Variants in BRSK2 observed in about 807,000 individuals in gnomAD.
BRSK2 encodes serine/threonine-protein kinase BRSK2.
Under a neutral mutation model 83.3 loss-of-function variants are expected in BRSK2, and 19 were observed. The ratio of observed to expected loss-of-function variants is 0.23; its 90% CI spans 0.16 to 0.33. The LOEUF (loss-of-function observed/expected upper bound fraction) is 0.33, where lower values mean the gene tolerates loss of function less well. BRSK2 is among the 10% of genes least tolerant of loss of function. The pLI is 1.00. For synonymous variants in BRSK2, 519 were observed against 435.4 expected (o/e 1.19, Z -2.39); for missense variants, 798 against 1,042.3 (o/e 0.77, Z 3.23).
chr11:1,419,416 T>G (rs1848431957), intron 1 of BRSK2, among the ~76,000 whole-genome samples: 1 of 152,150 alleles, frequency 6.6e-6, no homozygotes, highest in Admixed American at 6.5e-5. Context: ...TCTCTCTATG[T>G]CTTTCTGTTA....
chr11:1,406,071 C>T (rs989157223), intron 1 of BRSK2, among the ~76,000 whole-genome samples: 1 of 152,190 alleles, frequency 6.6e-6, no homozygotes, highest in Non-Finnish European at 1.5e-5. Context: ...GCCCGCTCCC[C>T]TGCCGAGGTC....
At chr11:1,445,136 T>C (rs1851843862) in intron 9 of BRSK2, 134 bp downstream of exon 9, 1 of 1,482,556 alleles carries the variant, frequency 6.7e-7, no homozygotes, top group Non-Finnish European at 9.3e-7. Context: ...TGGCCTGCGC[T>C]GGGTGCGGGG....
At position 1,423,076 on chromosome 11, in the gene BRSK2, T is replaced by C. The variant is rs925172269; in HGVS notation, c.92-12964T>C. Among the ~76,000 whole-genome samples the C allele has an allele frequency of 6.6e-6, 1 of 151,638 alleles. No homozygotes were observed. The highest frequency in any genetic ancestry group is 2.4e-5 in the African/African-American group (1 of 41,220). On this transcript the variant is annotated intron_variant, in intron 1 of 19. Coordinates refer to ENST00000528841, the MANE Select transcript of BRSK2 (RefSeq NM_001256627.2). This position sits in a 1 kb window ranked among gnomAD's most constrained non-coding sequence, Gnocchi z 6.5. ...CTCAGCCAGACAGCAGCCCGGAGGG[T>C]TAATGTCCAGGTACCTCCAGGCCCC...
rs1348091368 is a variant in BRSK2 at position 1,440,977 on chromosome 11, C to T, written c.413+49C>T. 44 of 1,557,600 alleles carry T rather than the reference C, an allele frequency of 2.8e-5. 1 individual carries two copies. The highest frequency in any genetic ancestry group is 3.8e-5 in the Non-Finnish European group (44 of 1,147,750). ...CCCACTCCCCAGGGACCCCCACACC[C>T]AGTGCGCTACCACAGATGCCCCCTG... On this transcript the variant is annotated intron_variant, in intron 4 of 19. Coordinates refer to ENST00000528841, the MANE Select transcript of BRSK2 (RefSeq NM_001256627.2).
chr11:1,410,915 TC>T, intron 1 of BRSK2: 1 of 988,006 alleles, frequency 1.0e-6, no homozygotes, highest in Non-Finnish European at 1.2e-6. Flanking sequence ...AGGTGGGTGT[TC>T]CCCAGTCTCA....
chr11:1,395,324 G>A (rs2134017124), intron 1 of BRSK2, among the ~76,000 whole-genome samples: 2 of 152,322 alleles, frequency 1.3e-5, no homozygotes, highest in Middle Eastern at 3.4e-3. Context: ...CCCATCTGAA[G>A]TCTCCCTGGC....
At chr11:1,457,915 G>A (rs1161921958) in intron 18 of BRSK2, among the ~76,000 whole-genome samples, 2 of 152,144 alleles carry the variant, frequency 1.3e-5, no homozygotes, top group Non-Finnish European at 1.5e-5. Context: ...CTGATTTTGG[G>A]AGCCAGGCTG....
At chr11:1,459,286 C>G in intron 19 of BRSK2, 47 bp downstream of exon 19, 1 of 1,605,464 alleles carries the variant, frequency 6.2e-7, no homozygotes, top group Non-Finnish European at 8.5e-7. Context: ...GCCACTTCAC[C>G]GCTCACCCTC....
At chr11:1,434,339 G>T (rs1185995232) in intron 1 of BRSK2, among the ~76,000 whole-genome samples, 1 of 151,824 alleles carries the variant, frequency 6.6e-6, no homozygotes. Context: ...GTGATAACCT[G>T]GGCCGGCTCT....
Position 1,456,432 on chromosome 11 carries a change from A to C in BRSK2, c.1753A>C (p.Lys585Gln). ...CACGGGGGGGCCAGCCGTGTTCCAG[A>C]AGCCGGTCAAGTTCCAGGTTGATAT... The part of the protein sequence containing the change: ...KATGGPAVFQ[K>Q]PVKFQVDITY... Residue 585 changes from lysine (K) to glutamine (Q), a missense_variant, in exon 17 of 20, where the codon AAG becomes CAG. Around this residue, in one of 6 missense-constraint regions of BRSK2, gnomAD observed 455 missense variants for 455.2 expected, o/e 1.00. Transcript: ENST00000528841. 6.3e-7 allele frequency: 1 copy of C among 1,594,320 alleles called. No homozygotes were observed. Among genetic ancestry groups the C allele is most frequent in the Non-Finnish European group, 8.5e-7 (1 of 1,171,564 alleles).
At chr11:1,394,287 G>GT (rs1278288260) in intron 1 of BRSK2, among the ~76,000 whole-genome samples, 1 of 126,844 alleles carries the variant, frequency 7.9e-6, no homozygotes, top group Non-Finnish European at 1.7e-5. Context: ...CTGGAGATGG[G>GT]CCATGGAGAT....
chr11:1,395,106 T>C (rs1845988998), intron 1 of BRSK2, among the ~76,000 whole-genome samples: 1 of 152,194 alleles, frequency 6.6e-6, no homozygotes, highest in South Asian at 2.1e-4. Context: ...GTGGGGTGTC[T>C]GCTGCGAGAC....
intron 15 of BRSK2, among the ~76,000 whole-genome samples, chr11:1,453,391 C>T (rs1846044879): frequency 1.3e-5 from 2 of 152,252 alleles, no homozygotes; most frequent in South Asian, 4.1e-4. Flanking sequence ...CTTCATCGGG[C>T]AGAACATCGA....
chr11:1,397,607 G>A (rs574736663), intron 1 of BRSK2, among the ~76,000 whole-genome samples: 13 of 152,270 alleles, frequency 8.5e-5, no homozygotes, highest in East Asian at 5.8e-4. Flanking sequence ...CTTCCTCCCC[G>A]AACCCTGGAG....
intron 1 of BRSK2, among the ~76,000 whole-genome samples, chr11:1,413,926 G>A (rs917139136): frequency 1.3e-5 from 2 of 152,204 alleles, no homozygotes; most frequent in Non-Finnish European, 2.9e-5. Flanking sequence ...CTTCTGCCCC[G>A]AGGAAAATGG....
intron 1 of BRSK2, among the ~76,000 whole-genome samples, chr11:1,392,309 G>A (rs991289126): frequency 1.3e-4 from 20 of 152,226 alleles, no homozygotes; most frequent in South Asian, 2.1e-4. Context: ...GCCACCACCC[G>A]AGGACGATCT....
At chr11:1,450,537 C>T (rs1458158649) in intron 13 of BRSK2, 50 bp from the exon 14 acceptor site, 4 of 966,508 alleles carry the variant, frequency 4.1e-6, no homozygotes, top group African/African-American at 1.7e-5. Context: ...CCCCCCCGGC[C>T]CCCACCCGCC....
intron 1 of BRSK2, among the ~76,000 whole-genome samples, chr11:1,406,931 A>C (rs1052898253): frequency 6.6e-6 from 1 of 152,098 alleles, no homozygotes; most frequent in Non-Finnish European, 1.5e-5. Context: ...GTGCGTCTGC[A>C]TGTGCAGGTG....
intron 1 of BRSK2, among the ~76,000 whole-genome samples, chr11:1,396,220 C>T (rs1305172660): frequency 8.8e-6 from 1 of 113,106 alleles, no homozygotes; most frequent in Non-Finnish European, 1.8e-5. Flanking sequence ...CACTCCTGGT[C>T]CCTCTTCCCT....
Sources: allele counts gnomAD v4.1 joint callset (sites outside exome capture counted in the v4.1 genomes callset), GRCh38; gene constraint gnomAD v4.1.1; regional missense constraint gnomAD v4.1.1; non-coding constraint Gnocchi (gnomAD v3.1); transcripts MANE v1.5; gene names NCBI Gene and HGNC (gene_info 2026-07-23, HGNC 2026-07-21).